Variants in NFIB observed in about 807,000 individuals in gnomAD.
The protein encoded by NFIB is nuclear factor I B, also known as nuclear factor 1 B-type.
Under a neutral mutation model 61.5 loss-of-function variants are expected in NFIB, and 11 were observed. That is an observed-to-expected ratio of 0.18 (90% CI 0.11 to 0.30). NFIB has a LOEUF of 0.30. Among genes scored for constraint, NFIB ranks in the 10% least tolerant of loss-of-function variants. The pLI, the probability that NFIB is intolerant of heterozygous loss-of-function variation, is 1.00. For synonymous variants in NFIB, 260 were observed against 216.5 expected (o/e 1.20, Z -1.76); for missense variants, 471 against 608.9 (o/e 0.77, Z 2.38).
chr9:14,416,891 A>ATTTTTTTT, the NFIB span, among the ~76,000 whole-genome samples: 3 of 112,178 alleles, frequency 2.7e-5, no homozygotes, highest in South Asian at 2.5e-4. Context: ...TACTATTTTT[A>ATTTTTTTT]CTTTTTTTTT....
At chr9:14,346,048 G>A (rs56926458) in intron 1 of NFIB, among the ~76,000 whole-genome samples, 1 of 152,240 alleles carries the variant, frequency 6.6e-6, no homozygotes, top group East Asian at 1.9e-4. Flanking sequence ...TGTGGGCTGA[G>A]GAGGCACGAC....
At chr9:14,458,675 C>G in the NFIB span, among the ~76,000 whole-genome samples, 1,269 of 152,210 alleles carry the variant, frequency 8.3e-3, 9 homozygotes, top group Non-Finnish European at 0.014. Context: ...AAAGTCTCAG[C>G]ATACAAAATC....
the NFIB span, among the ~76,000 whole-genome samples, chr9:14,525,623 C>G: frequency 2.0e-5 from 3 of 152,108 alleles, no homozygotes; most frequent in Non-Finnish European, 4.4e-5. Flanking sequence ...GAAAATTAAG[C>G]TAATGTGTAA....
chr9:14,202,956 T>C (rs764296406), intron 2 of NFIB, among the ~76,000 whole-genome samples: 52 of 152,246 alleles, frequency 3.4e-4, no homozygotes, highest in Non-Finnish European at 6.0e-4. Flanking sequence ...AGAATAATTA[T>C]CATGGCGATC....
At chr9:14,289,857 A>G (rs904899979) in intron 2 of NFIB, among the ~76,000 whole-genome samples, 2 of 151,996 alleles carry the variant, frequency 1.3e-5, no homozygotes. Context: ...AGTCAGTGCT[A>G]TTGGAAACAT....
chr9:14,400,729 C>G (rs1022818330), upstream of NFIB, among the ~76,000 whole-genome samples: 16 of 152,292 alleles, frequency 1.1e-4, no homozygotes, highest in Admixed American at 7.8e-4. Flanking sequence ...ATTGGGAAAG[C>G]GATAGGCTCT....
intron 3 of NFIB, among the ~76,000 whole-genome samples, chr9:14,156,284 C>A (rs1217423524): frequency 9.2e-5 from 14 of 152,168 alleles, no homozygotes; most frequent in Non-Finnish European, 1.5e-5. Flanking sequence ...TAGCACCTTG[C>A]TGGAATAATG....
chr9:14,211,011 T>A (rs1200275107), intron 2 of NFIB, among the ~76,000 whole-genome samples: 1 of 152,230 alleles, frequency 6.6e-6, no homozygotes, highest in Admixed American at 6.5e-5. Context: ...TGATCATTTT[T>A]GTCTCTGTTT....
intron 10 of NFIB, among the ~76,000 whole-genome samples, chr9:14,089,561 A>G (rs1379128134): frequency 6.6e-6 from 1 of 152,138 alleles, no homozygotes; most frequent in African/African-American, 2.4e-5. Context: ...TCAGTTAAGT[A>G]ACAGCTGCAT....
chr9:14,150,027 T>A (rs1405102839), intron 5 of NFIB, 118 bp downstream of exon 5: 1 of 1,417,188 alleles, frequency 7.1e-7, no homozygotes, highest in Non-Finnish European at 9.6e-7. Flanking sequence ...ATCTGTGTAC[T>A]ACCAGCAAAA....
At chr9:14,206,002 A>G (rs1366867686) in intron 2 of NFIB, among the ~76,000 whole-genome samples, 1 of 152,060 alleles carries the variant, frequency 6.6e-6, no homozygotes, top group African/African-American at 2.4e-5. Context: ...AGCATTATTA[A>G]TTATGTTTCT....
At chr9:14,402,539 C>T (rs996483239), upstream of NFIB, among the ~76,000 whole-genome samples, 9 of 151,984 alleles carry the variant, frequency 5.9e-5, 1 homozygote, top group Non-Finnish European at 1.3e-4. Flanking sequence ...TTCTCTAAGC[C>T]TTAGGATTAT....
At chr9:14,271,469 G>A (rs757301800) in intron 2 of NFIB, among the ~76,000 whole-genome samples, 2 of 151,938 alleles carry the variant, frequency 1.3e-5, no homozygotes, top group Admixed American at 6.6e-5. Context: ...AATTAATTAT[G>A]ACATCTGAGT....
the NFIB span, among the ~76,000 whole-genome samples, chr9:14,423,062 T>TA: frequency 1.2e-4 from 19 of 152,046 alleles, no homozygotes; most frequent in Admixed American, 3.9e-4. Flanking sequence ...GACCCTTTTG[T>TA]AAAAAAAAGT....
chr9:14,183,358 G>C (rs73645005), intron 2 of NFIB, among the ~76,000 whole-genome samples: 8,270 of 152,076 alleles, frequency 0.054, 670 homozygotes, highest in African/African-American at 0.18. Context: ...AGGCTGCTAA[G>C]AGTTGTGAGC....
In NFIB at chr9:14,116,367, G is replaced by A. The variant is rs1359375031; in HGVS notation, c.1246-21C>T. On this transcript the variant is annotated intron_variant, in intron 8 of 10. Transcript: ENST00000380953. ...TTAGGCTACAAAACAAAAACAGAAT[G>A]CCGGGTGAAGCAATCCAAAAGGCAG... is the stretch of plus-strand genomic sequence containing the variant. 8.8e-6 allele frequency: 13 copies of A among 1,473,916 alleles called. No homozygotes were observed. The Admixed American group carries it at 2.8e-4, about 32-fold the overall frequency. The allele number at this position is 1,473,916 out of a possible 1,614,324, so 91.3% of individuals were successfully genotyped here.
the NFIB span, among the ~76,000 whole-genome samples, chr9:14,436,416 T>C: frequency 3.9e-5 from 6 of 152,202 alleles, no homozygotes; most frequent in African/African-American, 1.4e-4. Flanking sequence ...CACAGAGAAG[T>C]GTTCACCAGG....
At chr9:14,356,681 G>A (rs779409848) in intron 1 of NFIB, among the ~76,000 whole-genome samples, 1 of 152,180 alleles carries the variant, frequency 6.6e-6, no homozygotes, top group Non-Finnish European at 1.5e-5. Flanking sequence ...GTCCTCAGCT[G>A]GGGTGAGTTA....
chr9:14,358,055 G>C (rs956547218), intron 1 of NFIB: 2 of 152,074 alleles, frequency 1.3e-5, no homozygotes, highest in African/African-American at 4.8e-5. Context: ...ATTAAATGTT[G>C]TAAAATTAAT....
Sources: gnomAD v4.1 joint callset for allele counts (sites outside exome capture counted in the v4.1 genomes callset) on GRCh38, gnomAD v4.1.1 for gene constraint, MANE v1.5 for transcripts, NCBI Gene and HGNC (gene_info 2026-07-23, HGNC 2026-07-21) for gene names.